Variants in SRGAP2 observed in about 807,000 individuals in gnomAD.
The protein encoded by SRGAP2 is SLIT-ROBO Rho GTPase activating protein 2, also known as SLIT-ROBO Rho GTPase-activating protein 2.
In SRGAP2, 15 loss-of-function variants were observed where a neutral mutation model predicts 57.2. The observed-to-expected ratio is 0.26, with a 90% CI of 0.18 to 0.40. SRGAP2 has a LOEUF of 0.40. Ranked by LOEUF, SRGAP2 falls within the 10% of genes least tolerant of loss-of-function variation. SRGAP2 has a pLI of 1.00. For synonymous variants in SRGAP2, 249 were observed against 248.0 expected, an observed-to-expected ratio of 1.00 and a Z score of -0.04; for missense variants, 520 against 669.6, an observed-to-expected ratio of 0.78 and a Z score of 2.47.
chr1:206,258,294 T>C lies in SRGAP2; in HGVS notation c.68-44987T>C, dbSNP rs1353199579. Among the ~76,000 whole-genome samples the C allele has an allele frequency of 2.3e-4, 35 of 151,630 alleles. 1 individual carries two copies. Among genetic ancestry groups the C allele is most frequent in the African/African-American group, 8.3e-4 (34 of 40,980 alleles). On this transcript the variant is annotated intron_variant, in intron 2 of 22. Coordinates refer to ENST00000573034, the MANE Select transcript of SRGAP2 (RefSeq NM_015326.5). Reference sequence around the variant, plus strand: ...TATTTTTAATGTTAGAAGAGCAGAGTTGAGTAGTTTCAACAGAGAACATAT... The same window carrying C: ...TATTTTTAATGTTAGAAGAGCAGAGCTGAGTAGTTTCAACAGAGAACATAT...
In SRGAP2 at chr1:206,439,219, A is replaced by G. The variant is rs1321992497; in HGVS notation, c.1769-757A>G. Among the ~76,000 whole-genome samples, 3 of 152,136 alleles carry G rather than the reference A, an allele frequency of 2.0e-5. No homozygotes were observed. In the East Asian group the frequency reaches 5.8e-4, roughly 29 times the overall value. On this transcript the variant is annotated intron_variant, in intron 16 of 22. Coordinates refer to ENST00000573034, the MANE Select transcript of SRGAP2 (RefSeq NM_015326.5). ...ACTCATAGAAAATGGCAGTGTTTAC[A>G]TGGCACACTGTGGAAGTGAGAGGCT... is the stretch of plus-strand genomic sequence containing the variant.
intron 4 of SRGAP2, among the ~76,000 whole-genome samples, chr1:206,347,916 G>A (rs1327775826): frequency 3.7e-4 from 56 of 151,938 alleles, no homozygotes; most frequent in Admixed American, 1.6e-3. Context: ...CTCCCCAGGG[G>A]CAAAATATCT....
intron 2 of SRGAP2, among the ~76,000 whole-genome samples, chr1:206,249,394 A>T (rs1386028050): frequency 6.6e-6 from 1 of 152,220 alleles, no homozygotes; most frequent in Non-Finnish European, 1.5e-5. Context: ...GGTAAACACC[A>T]TGGAATACTA....
intron 2 of SRGAP2, among the ~76,000 whole-genome samples, chr1:206,226,624 A>C (rs1283132997): frequency 6.6e-6 from 1 of 152,116 alleles, no homozygotes; most frequent in Non-Finnish European, 1.5e-5. Flanking sequence ...ATGCTTGTGT[A>C]TCAGCTTTGC....
intron 2 of SRGAP2, among the ~76,000 whole-genome samples, chr1:206,221,565 A>G (rs1217125143): frequency 2.1e-5 from 3 of 144,588 alleles, no homozygotes; most frequent in African/African-American, 7.8e-5. Flanking sequence ...CTCTTCTTAA[A>G]AAGCCACTAG....
At chr1:206,390,834 A>C (rs1213187898) in intron 5 of SRGAP2, among the ~76,000 whole-genome samples, 4 of 151,834 alleles carry the variant, frequency 2.6e-5, no homozygotes, top group African/African-American at 9.7e-5. Flanking sequence ...ATTTACGGGA[A>C]GTAGTGTTAG....
intron 5 of SRGAP2, 60 bp from the exon 6 acceptor site, chr1:206,392,629 A>T: frequency 1.4e-6 from 1 of 714,784 alleles, no homozygotes; most frequent in Non-Finnish European, 2.6e-6. Flanking sequence ...TAGTCTGTAA[A>T]GCAGAGAAAT....
At chr1:206,409,918 G>A (rs1469539724) in intron 10 of SRGAP2, among the ~76,000 whole-genome samples, 24 of 151,052 alleles carry the variant, frequency 1.6e-4, no homozygotes, top group Admixed American at 1.6e-3. Context: ...GATCAACATG[G>A]AGAAACCTCG....
chr1:206,366,091 C>T (rs1653977081), intron 4 of SRGAP2, among the ~76,000 whole-genome samples: 1 of 152,140 alleles, frequency 6.6e-6, no homozygotes, highest in African/African-American at 2.4e-5. Context: ...ACATACTTGC[C>T]TAAGAAAATA....
At chr1:206,443,726 C>A (rs1662510674) in intron 17 of SRGAP2, among the ~76,000 whole-genome samples, 1 of 152,202 alleles carries the variant, frequency 6.6e-6, no homozygotes. Context: ...TTTTTATACT[C>A]TTACACTAGA....
intron 13 of SRGAP2, among the ~76,000 whole-genome samples, chr1:206,426,842 T>C (rs1291464223): frequency 6.6e-6 from 1 of 152,194 alleles, no homozygotes; most frequent in East Asian, 1.9e-4. Flanking sequence ...GTTGTTTGAG[T>C]TCCTTATATA....
chr1:206,454,689 A>G lies in SRGAP2; in HGVS notation c.2361-189A>G. On this transcript the variant is annotated intron_variant, in intron 20 of 22. Transcript: ENST00000573034. This position sits in a 1 kb window ranked among gnomAD's most constrained non-coding sequence, Gnocchi z 4.3. ...CTCAGCGGATTATTTATTTTTATTT[A>G]AACGACCCTTCAAAGGCCCTTAGGT... The G allele has an allele frequency of 1.8e-6, 1 of 565,758 alleles. No homozygotes were observed. The highest frequency in any genetic ancestry group is 3.1e-6 in the Non-Finnish European group (1 of 321,726). 35.0% of individuals were successfully genotyped at this position (565,758 alleles called of 1,614,324 possible).
intron 2 of SRGAP2, among the ~76,000 whole-genome samples, chr1:206,302,033 A>G (rs2102750014): frequency 6.6e-6 from 1 of 152,014 alleles, no homozygotes; most frequent in Non-Finnish European, 1.5e-5. Context: ...TACATAGCAT[A>G]GACAGAAAGC....
intron 3 of SRGAP2, among the ~76,000 whole-genome samples, chr1:206,327,619 G>A (rs1403897960): frequency 8.2e-6 from 1 of 121,694 alleles, no homozygotes; most frequent in African/African-American, 3.6e-5. Flanking sequence ...AGTCATGTGT[G>A]TTAGGCAGGG....
chr1:206,443,335 A>G (rs1247768155), intron 17 of SRGAP2, among the ~76,000 whole-genome samples: 3 of 152,082 alleles, frequency 2.0e-5, no homozygotes, highest in African/African-American at 7.2e-5. Flanking sequence ...TATCCATTTT[A>G]GGTATTTCTT....
At chr1:206,333,506 G>A (rs376998714) in intron 3 of SRGAP2, 34 of 1,261,538 alleles carry the variant, frequency 2.7e-5, no homozygotes, top group East Asian at 2.1e-4. Context: ...GCGCGGCTCT[G>A]TGTCCTCCCT....
At chr1:206,458,564 C>A in intron 21 of SRGAP2, 59 bp from the exon 22 acceptor site, 1 of 672,512 alleles carries the variant, frequency 1.5e-6, no homozygotes. Flanking sequence ...CCCACTTATC[C>A]TAGCTTCCTT....
rs566432451 is a variant in SRGAP2 at position 206,458,261 on chromosome 1, C to T, written c.2508-362C>T. 5.0e-4 allele frequency: 232 copies of T among 461,576 alleles called. 5 individuals carry two copies. The highest frequency in any genetic ancestry group is 3.9e-3 in the South Asian group (224 of 57,348). 28.6% of individuals were successfully genotyped at this position (461,576 alleles called of 1,614,324 possible). ...CTCTTTGGTGATGGTGAGACTTCTTCTCCTAGCTGGGGCCTTAGGTTTCTG... is the reference window on the plus strand; with the variant it reads ...CTCTTTGGTGATGGTGAGACTTCTTTTCCTAGCTGGGGCCTTAGGTTTCTG... On this transcript the variant is annotated intron_variant, in intron 21 of 22. Transcript: ENST00000573034.
chr1:206,419,354 G>C lies in SRGAP2; in HGVS notation c.1442-19G>C, dbSNP rs1553363432. 1.3e-6 allele frequency: 1 copy of C among 780,560 alleles called. No individual in the cohort carries two copies. Among genetic ancestry groups the C allele is most frequent in the South Asian group, 1.3e-5 (1 of 74,584 alleles). 48.4% of individuals were successfully genotyped at this position (780,560 alleles called of 1,614,324 possible). On this transcript the variant is annotated intron_variant, in intron 11 of 22. Transcript: ENST00000573034. ...CTTCTCCTTTAACATAATGCTTTTT[G>C]CCTTTGTGTTTCCAACAGGTCAGCG...
Sources: gnomAD v4.1 joint callset for allele counts (sites outside exome capture counted in the v4.1 genomes callset) on GRCh38, gnomAD v4.1.1 for gene constraint, Gnocchi (gnomAD v3.1) non-coding constraint, MANE v1.5 for transcripts, NCBI Gene and HGNC (gene_info 2026-07-23, HGNC 2026-07-21) for gene names.